The following ARHGAP8 variants were observed in gnomAD, a reference collection of about 807,000 sequenced individuals.
The protein encoded by ARHGAP8 is Rho GTPase activating protein 8, also known as rho GTPase-activating protein 8.
In ARHGAP8, 62 loss-of-function variants were observed where a neutral mutation model predicts 46.1. That is an observed-to-expected ratio of 1.34 (90% confidence interval 1.10 to 1.66). The LOEUF is 1.66. Among genes scored for constraint, ARHGAP8 ranks in the 40% most tolerant of loss-of-function variants. The pLI, the probability that ARHGAP8 is intolerant of heterozygous loss-of-function variation, is 0.00. For missense variants in ARHGAP8, 923 were observed against 568.4 expected, an observed-to-expected ratio of 1.62 and a Z score of -6.34; for synonymous variants, 375 against 243.1, an observed-to-expected ratio of 1.54 and a Z score of -5.05.
At chr22:44,754,921 T>A (rs978858577) in intron 1 of ARHGAP8, among the ~76,000 whole-genome samples, 1 of 152,110 alleles carries the variant, frequency 6.6e-6, no homozygotes, top group Non-Finnish European at 1.5e-5. Flanking sequence ...ACAGGCAGCA[T>A]GAGGGTGAGA....
At chr22:44,756,057 G>T (rs1924645653) in intron 1 of ARHGAP8, among the ~76,000 whole-genome samples, 1 of 152,170 alleles carries the variant, frequency 6.6e-6, no homozygotes, top group Non-Finnish European at 1.5e-5. Context: ...GGAGAAGAAT[G>T]CGCTTTGTTT....
At chr22:44,795,054 AC>A (rs1297447905) in intron 2 of ARHGAP8, among the ~76,000 whole-genome samples, 2 of 150,294 alleles carry the variant, frequency 1.3e-5, no homozygotes, top group African/African-American at 5.0e-5. Context: ...AAAAAAAAAA[AC>A]AAAAAACGAA....
chr22:44,859,076 CTGGTCTA>C (rs1385417290), intron 10 of ARHGAP8, among the ~76,000 whole-genome samples: 1 of 150,866 alleles, frequency 6.6e-6, no homozygotes, highest in East Asian at 1.9e-4. Flanking sequence ...TTGCCAACCC[CTGGTCTA>C]GACCACTCCC....
intron 6 of ARHGAP8, among the ~76,000 whole-genome samples, chr22:44,823,554 A>T (rs887726815): frequency 6.6e-6 from 1 of 151,992 alleles, no homozygotes; most frequent in Admixed American, 6.6e-5. Context: ...AGGAGAGTGA[A>T]CTGGACCTGG....
chr22:44,792,024 T>TC (rs1334705049), intron 2 of ARHGAP8, among the ~76,000 whole-genome samples: 1 of 151,874 alleles, frequency 6.6e-6, no homozygotes, highest in African/African-American at 2.4e-5. Context: ...TTTCTTTCTT[T>TC]TTTTTTTAGA....
At chr22:44,813,736 TAC>T (rs142820949) in intron 4 of ARHGAP8, among the ~76,000 whole-genome samples, 52,827 of 150,412 alleles carry the variant, frequency 0.35, 9,542 homozygotes, top group East Asian at 0.52. Flanking sequence ...CACTTACACC[TAC>T]ACACACCTAC....
chr22:44,790,590 C>G lies in ARHGAP8; in HGVS notation c.79+3984C>G, dbSNP rs1356302180. ...ACTTGGGAGGCTGAAACAGGAGAATCGCTTGAACCCGGGAGACCGAGGTTG... is the reference window on the plus strand; with the variant it reads ...ACTTGGGAGGCTGAAACAGGAGAATGGCTTGAACCCGGGAGACCGAGGTTG... On this transcript the variant is annotated intron_variant, in intron 2 of 11. Transcript: ENST00000356099. Among the ~76,000 whole-genome samples, 6 of 146,928 alleles carry G rather than the reference C, an allele frequency of 4.1e-5. No individual in the cohort carries two copies. The South Asian group carries it at 1.3e-3, about 33-fold the overall frequency.
At chr22:44,756,413 G>A (rs1169521955) in intron 1 of ARHGAP8, among the ~76,000 whole-genome samples, 2 of 152,072 alleles carry the variant, frequency 1.3e-5, no homozygotes, top group East Asian at 1.9e-4. Context: ...CGGACCCCAC[G>A]CTGTTGTAAT....
chr22:44,862,561 C>CG lies in ARHGAP8; in HGVS notation c.1269dup (p.Ser424GlufsTer51). Reference sequence around the variant, plus strand: ...GGCCTCACCAAGCCTACCCTACCTCCGAGTCCCCTGATGGCAGCCAGAAGA... The same window carrying CG: ...GGCCTCACCAAGCCTACCCTACCTCCGGAGTCCCCTGATGGCAGCCAGAAGA... On this transcript the variant is annotated frameshift_variant, in exon 12 of 12. Coordinates refer to ENST00000356099, the MANE Select transcript of ARHGAP8 (RefSeq NM_181335.3). LOFTEE classifies it low-confidence loss of function (END_TRUNC). 2.5e-6 allele frequency: 4 copies of CG among 1,596,754 alleles called. No individual in the cohort carries two copies. The highest frequency in any genetic ancestry group is 1.3e-5 in the African/African-American group (1 of 74,666).
At chr22:44,829,333 TCA>T (rs1447365024) in intron 7 of ARHGAP8, among the ~76,000 whole-genome samples, 1 of 151,406 alleles carries the variant, frequency 6.6e-6, no homozygotes, top group Non-Finnish European at 1.5e-5. Flanking sequence ...CAAGCATAGC[TCA>T]CAGACTTCGA....
chr22:44,790,399 C>G (rs981251757), intron 2 of ARHGAP8, among the ~76,000 whole-genome samples: 4 of 151,974 alleles, frequency 2.6e-5, no homozygotes, highest in Non-Finnish European at 5.9e-5. Flanking sequence ...AGGCCACCTA[C>G]AGGCCATGGT....
chr22:44,765,223 C>G (rs769510240), intron 1 of ARHGAP8: 5 of 152,388 alleles, frequency 3.3e-5, no homozygotes, highest in Non-Finnish European at 5.9e-5. Flanking sequence ...TGTTCCGTCT[C>G]GTGTCACTGT....
chr22:44,860,224 C>T (rs973688839), intron 11 of ARHGAP8, among the ~76,000 whole-genome samples: 20 of 152,120 alleles, frequency 1.3e-4, no homozygotes, highest in African/African-American at 4.6e-4. Context: ...GGAAGGGATA[C>T]ACCCAGAACC....
In ARHGAP8 at chr22:44,862,383, G is replaced by C; in HGVS notation, c.1090G>C (p.Val364Leu). 2 of 1,614,116 alleles carry C rather than the reference G, an allele frequency of 1.2e-6. No individual in the cohort carries two copies. Among genetic ancestry groups the C allele is most frequent in the Non-Finnish European group, 1.7e-6 (2 of 1,179,992 alleles). ...GGGGGTCTCCTCCCTGAGTGCCCTTGTGCCCCTGAACATGTTCACTGAACT... is the reference window on the plus strand; with the variant it reads ...GGGGGTCTCCTCCCTGAGTGCCCTTCTGCCCCTGAACATGTTCACTGAACT... ...SQGVSSLSAL[V>L]PLNMFTELLI... The change falls in exon 12 of 12, where the codon GTG becomes CTG. Residue 364 changes from valine (V) to leucine (L), a missense_variant. Transcript: ENST00000356099.
At chr22:44,763,884 T>C (rs533947137) in intron 1 of ARHGAP8, among the ~76,000 whole-genome samples, 19 of 150,662 alleles carry the variant, frequency 1.3e-4, no homozygotes, top group African/African-American at 4.4e-4. Flanking sequence ...AATCTCGGCT[T>C]ACTGCAAGCT....
intron 7 of ARHGAP8, among the ~76,000 whole-genome samples, chr22:44,829,222 C>T (rs888729427): frequency 6.8e-6 from 1 of 147,000 alleles, no homozygotes; most frequent in East Asian, 2.0e-4. Context: ...ACCTGGGAGG[C>T]GGAGGTTTCA....
chr22:44,825,622 T>C, intron 7 of ARHGAP8, 29 bp downstream of exon 7: 1 of 1,597,058 alleles, frequency 6.3e-7, no homozygotes, highest in Non-Finnish European at 8.5e-7. Context: ...TGCCTGCTCC[T>C]ATGCCCTGGA....
chr22:44,852,335 G>A (rs958004773), intron 10 of ARHGAP8, among the ~76,000 whole-genome samples: 21 of 152,116 alleles, frequency 1.4e-4, no homozygotes, highest in Middle Eastern at 3.4e-3. Context: ...TCATTCCGCC[G>A]TCTTTAGAGA....
chr22:44,838,465 G>A lies in ARHGAP8; in HGVS notation c.597-6804G>A, dbSNP rs975578255. Among the ~76,000 whole-genome samples the A allele has an allele frequency of 2.0e-5, 3 of 151,840 alleles. No homozygotes were observed. The East Asian group carries it at 5.8e-4, about 29-fold the overall frequency. The stretch of plus-strand genomic sequence containing the variant: ...TTTTTGCATTTGGTAGTAGAAACAG[G>A]GTTTCTCCATATTGCCCAGGCTGGT... On this transcript the variant is annotated intron_variant, in intron 7 of 11. Coordinates refer to ENST00000356099, the MANE Select transcript of ARHGAP8 (RefSeq NM_181335.3).
Sources: gnomAD v4.1 joint callset for allele counts (sites outside exome capture counted in the v4.1 genomes callset) on GRCh38, gnomAD v4.1.1 for gene constraint, MANE v1.5 for transcripts, NCBI Gene and HGNC (gene_info 2026-07-23, HGNC 2026-07-21) for gene names.